PARD3: variants seen among roughly 807,000 people sequenced by gnomAD.
The protein encoded by PARD3 is partitioning defective 3 homolog.
Under a neutral mutation model 155.4 loss-of-function variants are expected in PARD3, and 75 were observed. The ratio of observed to expected loss-of-function variants is 0.48; its 90% confidence interval spans 0.40 to 0.58. The LOEUF (loss-of-function observed/expected upper bound fraction) is 0.58, where lower values mean the gene tolerates loss of function less well. Among genes scored for constraint, PARD3 ranks in the 20% least tolerant of loss-of-function variants. The pLI is 0.00. For missense variants in PARD3, 1,642 were observed against 1,721.7 expected (o/e 0.95, Z 0.82); for synonymous variants, 576 against 610.5 (o/e 0.94, Z 0.83).
At chr10:34,244,368 C>G (rs980091422) in intron 22 of PARD3, among the ~76,000 whole-genome samples, 1 of 152,078 alleles carries the variant, frequency 6.6e-6, no homozygotes, top group Non-Finnish European at 1.5e-5. Flanking sequence ...AAACATAGTG[C>G]CCAGTCTTGC....
intron 22 of PARD3, among the ~76,000 whole-genome samples, chr10:34,147,255 A>G (rs905803798): frequency 1.3e-5 from 2 of 152,138 alleles, no homozygotes; most frequent in Admixed American, 1.3e-4. Flanking sequence ...CTTGTTTCTA[A>G]AAGTGTAATT....
intron 2 of PARD3, among the ~76,000 whole-genome samples, chr10:34,687,910 A>C (rs1232566960): frequency 8.2e-6 from 1 of 121,834 alleles, no homozygotes; most frequent in Non-Finnish European, 1.6e-5. Context: ...GCTTGAGTAG[A>C]GCAGCGTGAT....
Position 34,792,384 on chromosome 10 carries a change from C to T in PARD3, c.120+22492G>A, listed in dbSNP as rs1240147527. On this transcript the variant is annotated intron_variant, in intron 1 of 24. Transcript: ENST00000374788. ...TCAGGCACAGGTACCGCACCCAGCA[C>T]CAGCTCTCTGTTTTTCTTTACTACA... Among the ~76,000 whole-genome samples, 5 of 152,338 alleles carry T rather than the reference C, an allele frequency of 3.3e-5. No homozygotes were observed. In the East Asian group the frequency reaches 9.6e-4, roughly 29 times the overall value.
chr10:34,413,333 C>T (rs1845311664), intron 5 of PARD3, among the ~76,000 whole-genome samples: 1 of 152,038 alleles, frequency 6.6e-6, no homozygotes, highest in Non-Finnish European at 1.5e-5. Context: ...ATGGGCAGTA[C>T]AGTCACACAA....
intron 2 of PARD3, among the ~76,000 whole-genome samples, chr10:34,613,416 C>G (rs895240155): frequency 2.6e-5 from 4 of 152,224 alleles, no homozygotes; most frequent in Non-Finnish European, 5.9e-5. Flanking sequence ...TCAACAACAT[C>G]TGTGCAATTA....
At chr10:34,517,233 A>G in intron 2 of PARD3, 74 bp from the exon 3 acceptor site, 11 of 1,360,468 alleles carry the variant, frequency 8.1e-6, no homozygotes, top group Non-Finnish European at 1.1e-5. Flanking sequence ...TACTATTTTG[A>G]CATAATTCTA....
At chr10:34,525,229 G>A (rs1313796159) in intron 2 of PARD3, among the ~76,000 whole-genome samples, 1 of 152,202 alleles carries the variant, frequency 6.6e-6, no homozygotes, top group African/African-American at 2.4e-5. Flanking sequence ...AACTTTAAAT[G>A]TTATGCATGT....
At chr10:34,191,528 G>C (rs1950706720) in intron 22 of PARD3, among the ~76,000 whole-genome samples, 1 of 151,784 alleles carries the variant, frequency 6.6e-6, no homozygotes, top group Non-Finnish European at 1.5e-5. Flanking sequence ...CACCAACTGT[G>C]ACCCTTCTGA....
At chr10:34,204,751 A>T (rs1482058596) in intron 22 of PARD3, among the ~76,000 whole-genome samples, 1 of 152,202 alleles carries the variant, frequency 6.6e-6, no homozygotes, top group Non-Finnish European at 1.5e-5. Flanking sequence ...ATCTTTCTTG[A>T]TGTAAACACA....
chr10:34,704,154 T>G (rs1212480188), intron 1 of PARD3, among the ~76,000 whole-genome samples: 1 of 152,146 alleles, frequency 6.6e-6, no homozygotes, highest in Non-Finnish European at 1.5e-5. Flanking sequence ...AAAATGGCAC[T>G]GAAAGAGTAC....
At chr10:34,687,679 C>G (rs1202447412) in intron 2 of PARD3, among the ~76,000 whole-genome samples, 2 of 151,950 alleles carry the variant, frequency 1.3e-5, no homozygotes, top group African/African-American at 4.8e-5. Context: ...CCAAGAACGA[C>G]AAAGGAAGTG....
chr10:34,626,045 C>T (rs1590288929), intron 2 of PARD3, among the ~76,000 whole-genome samples: 1 of 152,128 alleles, frequency 6.6e-6, no homozygotes, highest in African/African-American at 2.4e-5. Context: ...TTCAAACTGC[C>T]CAGTAGTAAA....
In PARD3 at chr10:34,111,095, A is replaced by C; in HGVS notation, c.*74T>G. On this transcript the variant is annotated 3_prime_UTR_variant, in exon 25 of 25. Transcript: ENST00000374788. ...CCATAGTACCATCGAGGTTTTAAAAAAACTCCCAAAATACAAGTCTTCATA... is the reference window on the plus strand; with the variant it reads ...CCATAGTACCATCGAGGTTTTAAAACAACTCCCAAAATACAAGTCTTCATA... The C allele has an allele frequency of 6.7e-7, 1 of 1,488,874 alleles. No homozygotes were observed. Among genetic ancestry groups the C allele is most frequent in the Non-Finnish European group, 9.0e-7 (1 of 1,113,782 alleles). 92.2% of individuals were successfully genotyped at this position (1,488,874 alleles called of 1,614,324 possible). A position where few individuals can be genotyped will look rare whatever the true frequency, so the allele number is the denominator to read the frequency against.
At chr10:34,809,231 C>T (rs539606897) in intron 1 of PARD3, among the ~76,000 whole-genome samples, 142 of 152,270 alleles carry the variant, frequency 9.3e-4, no homozygotes, top group Admixed American at 1.8e-3. Context: ...TGTGTGAGAG[C>T]AGTGTAACAT....
At chr10:34,732,762 T>C (rs1469386552) in intron 1 of PARD3, among the ~76,000 whole-genome samples, 1 of 152,246 alleles carries the variant, frequency 6.6e-6, no homozygotes, top group Non-Finnish European at 1.5e-5. Context: ...TTAAAATTCA[T>C]ATAGAATTTA....
chr10:34,216,237 G>T (rs1225269096), intron 22 of PARD3, among the ~76,000 whole-genome samples: 1 of 152,106 alleles, frequency 6.6e-6, no homozygotes, highest in Admixed American at 6.6e-5. Context: ...TGAGCAAGTG[G>T]GATATACCAC....
intron 11 of PARD3, among the ~76,000 whole-genome samples, chr10:34,373,693 T>A (rs1840929446): frequency 6.6e-6 from 1 of 152,110 alleles, no homozygotes; most frequent in Non-Finnish European, 1.5e-5. Context: ...GAAGTTTTCA[T>A]AATTTATTCA....
chr10:34,516,660 T>C (rs1167488166), intron 3 of PARD3, among the ~76,000 whole-genome samples: 4 of 152,228 alleles, frequency 2.6e-5, no homozygotes, highest in Admixed American at 6.5e-5. Context: ...AGTGCAAAGC[T>C]CTTTGGTCAT....
At chr10:34,421,002 C>T (rs1056256088) in intron 5 of PARD3, among the ~76,000 whole-genome samples, 4 of 152,118 alleles carry the variant, frequency 2.6e-5, no homozygotes, top group African/African-American at 9.6e-5. Context: ...CATTGCAAGG[C>T]CTCATCTCTA....
Sources: allele counts gnomAD v4.1 joint callset (sites outside exome capture counted in the v4.1 genomes callset), GRCh38; gene constraint gnomAD v4.1.1; transcripts MANE v1.5; gene names NCBI Gene and HGNC (gene_info 2026-07-23, HGNC 2026-07-21).